The following SYNE1 variants were observed in gnomAD, a reference collection of about 807,000 sequenced individuals.
The protein encoded by SYNE1 is nesprin-1.
A neutral mutation model predicts 1,111.0 loss-of-function variants in SYNE1; 616 were observed. The ratio of observed to expected loss-of-function variants is 0.55; its 90% CI spans 0.52 to 0.59. SYNE1 has a LOEUF of 0.59. Among genes scored for constraint, SYNE1 ranks in the 20% least tolerant of loss-of-function variants. The pLI, the probability that SYNE1 is intolerant of heterozygous loss-of-function variation, is 0.00. For missense variants in SYNE1, 10,006 were observed against 10,417.0 expected (o/e 0.96, Z 1.72); for synonymous variants, 3,855 against 3,825.8 (o/e 1.01, Z -0.28).
At chr6:152,524,284 T>C (rs896084309) in intron 5 of SYNE1, among the ~76,000 whole-genome samples, 1 of 152,194 alleles carries the variant, frequency 6.6e-6, no homozygotes, top group Non-Finnish European at 1.5e-5. Context: ...TCAAATGCTT[T>C]TTCTACACTT....
intron 3 of SYNE1, among the ~76,000 whole-genome samples, chr6:152,592,934 G>A (rs1416504935): frequency 6.6e-6 from 1 of 152,190 alleles, no homozygotes; most frequent in Non-Finnish European, 1.5e-5. Flanking sequence ...TGCAACAGCA[G>A]CCTGGCTGGG....
Position 152,520,450 on chromosome 6 carries a change from C to T in SYNE1, c.309+9G>A, listed in dbSNP as rs1364644201. On this transcript the variant is annotated intron_variant, in intron 6 of 145. Coordinates refer to ENST00000367255, the MANE Select transcript of SYNE1 (RefSeq NM_182961.4). ...TTCCTTGGGCATTTTGTTTTTGTTT[C>T]TCTCTTACCTTTCTTCCTTCGAGGA... 1 of 1,612,924 alleles carries T rather than the reference C, an allele frequency of 6.2e-7. No individual in the cohort carries two copies. The highest frequency in any genetic ancestry group is 1.1e-5 in the South Asian group (1 of 91,070).
intron 3 of SYNE1, among the ~76,000 whole-genome samples, chr6:152,576,915 A>G (rs1442237596): frequency 6.6e-6 from 1 of 152,256 alleles, no homozygotes; most frequent in East Asian, 1.9e-4. Context: ...TATGGAAAAT[A>G]GATTGGGGTC....
chr6:152,496,185 A>G (rs1280007269), intron 11 of SYNE1, among the ~76,000 whole-genome samples: 1 of 152,092 alleles, frequency 6.6e-6, no homozygotes, highest in Non-Finnish European at 1.5e-5. Context: ...TGACACCAAC[A>G]CTTCACCACT....
intron 67 of SYNE1, among the ~76,000 whole-genome samples, chr6:152,354,054 C>T (rs917696903): frequency 4.6e-5 from 7 of 152,104 alleles, no homozygotes; most frequent in Non-Finnish European, 1.0e-4. Flanking sequence ...GCAGGAGAAT[C>T]GCTTGAACCC....
intron 72 of SYNE1, among the ~76,000 whole-genome samples, chr6:152,349,119 A>G (rs951305730): frequency 6.6e-6 from 1 of 152,248 alleles, no homozygotes; most frequent in Non-Finnish European, 1.5e-5. Flanking sequence ...CCTAAGACGC[A>G]CTGTCAGACA....
intron 3 of SYNE1, among the ~76,000 whole-genome samples, chr6:152,541,605 G>A (rs781337329): frequency 1.3e-5 from 2 of 151,902 alleles, no homozygotes; most frequent in East Asian, 1.9e-4. Flanking sequence ...AAAATTAGCC[G>A]GGTGTGCTGG....
intron 72 of SYNE1, among the ~76,000 whole-genome samples, chr6:152,347,576 T>G (rs763470299): frequency 2.6e-5 from 4 of 152,156 alleles, no homozygotes; most frequent in African/African-American, 4.8e-5. Context: ...AAGTTATAAT[T>G]CTGGCATAAT....
intron 2 of SYNE1, among the ~76,000 whole-genome samples, chr6:152,631,026 G>A (rs1251339197): frequency 6.6e-6 from 1 of 152,170 alleles, no homozygotes; most frequent in Admixed American, 6.5e-5. Context: ...GATTACTAAG[G>A]TGGATATGAC....
intron 3 of SYNE1, among the ~76,000 whole-genome samples, chr6:152,541,473 G>T (rs1298739101): frequency 6.6e-6 from 1 of 152,110 alleles, no homozygotes; most frequent in East Asian, 1.9e-4. Flanking sequence ...AATTGGCCAG[G>T]CGTGGCGGCT....
chr6:152,229,727 A>G (rs1382075967), intron 115 of SYNE1, among the ~76,000 whole-genome samples: 1 of 152,184 alleles, frequency 6.6e-6, no homozygotes, highest in Non-Finnish European at 1.5e-5. Context: ...GCGACAGGTT[A>G]TGGTCTTAAA....
At chr6:152,385,333 T>C (rs1323390190) in intron 55 of SYNE1, among the ~76,000 whole-genome samples, 3 of 152,232 alleles carry the variant, frequency 2.0e-5, no homozygotes, top group Admixed American at 1.3e-4. Context: ...ATTGTTAGAA[T>C]ACATTTAACT....
At chr6:152,481,341 C>G (rs1426259234) in intron 14 of SYNE1, among the ~76,000 whole-genome samples, 1 of 152,132 alleles carries the variant, frequency 6.6e-6, no homozygotes, top group Non-Finnish European at 1.5e-5. Context: ...TATTTGCTAC[C>G]ATGCCTATTT....
chr6:152,559,031 G>A (rs189037467), intron 3 of SYNE1, among the ~76,000 whole-genome samples: 4 of 116,662 alleles, frequency 3.4e-5, no homozygotes, highest in South Asian at 5.3e-4. Context: ...TTTTTAGAGA[G>A]AGGGTCGCAT....
intron 144 of SYNE1, among the ~76,000 whole-genome samples, chr6:152,131,055 C>T (rs991835640): frequency 3.3e-5 from 5 of 152,148 alleles, no homozygotes; most frequent in Non-Finnish European, 7.4e-5. Context: ...GGTAGAAACA[C>T]ATGTGTATAT....
intron 34 of SYNE1, among the ~76,000 whole-genome samples, chr6:152,431,253 C>G (rs968110646): frequency 1.3e-5 from 2 of 152,248 alleles, no homozygotes; most frequent in South Asian, 4.1e-4. Context: ...CTAGAATGCA[C>G]TAGGACCATC....
At chr6:152,413,187 T>A (rs186322473) in intron 42 of SYNE1, among the ~76,000 whole-genome samples, 165 bp downstream of exon 42, 1 of 152,246 alleles carries the variant, frequency 6.6e-6, no homozygotes, top group East Asian at 1.9e-4. Context: ...CTCAATAAAG[T>A]TCTGTCGAAA....
intron 143 of SYNE1, 95 bp downstream of exon 143, chr6:152,133,181 G>C: frequency 8.6e-7 from 1 of 1,165,106 alleles, no homozygotes; most frequent in Non-Finnish European, 1.3e-6. Flanking sequence ...ATTCTGACAA[G>C]TACTATATTT....
At chr6:152,385,012 T>C (rs1317664728) in intron 55 of SYNE1, among the ~76,000 whole-genome samples, 2 of 152,200 alleles carry the variant, frequency 1.3e-5, no homozygotes, top group Non-Finnish European at 2.9e-5. Context: ...ACAATTACAC[T>C]ATTTATTCCT....
Sources: allele counts gnomAD v4.1 joint callset (sites outside exome capture counted in the v4.1 genomes callset), GRCh38; gene constraint gnomAD v4.1.1; transcripts MANE v1.5; gene names NCBI Gene and HGNC (gene_info 2026-07-23, HGNC 2026-07-21).